Variants in TSR1 observed in about 807,000 individuals in gnomAD.
The protein encoded by TSR1 is pre-rRNA-processing protein TSR1 homolog.
TSR1 carries 81 observed loss-of-function variants against 90.9 expected under a neutral mutation model. That is an observed-to-expected ratio of 0.89 (90% CI 0.74 to 1.07). TSR1 has a LOEUF of 1.07. Ranked by LOEUF, TSR1 falls within the 50% of genes least tolerant of loss-of-function variation. The pLI is 0.00. For missense variants in TSR1, 989 were observed against 987.3 expected (o/e 1.00, Z -0.02); for synonymous variants, 362 against 348.8 (o/e 1.04, Z -0.42).
chr17:2,333,730 G>A lies in TSR1; in HGVS notation c.982-14C>T, dbSNP rs1555584534. ...CGTAGCACAAATCTGAAAACCAAAA[G>A]CAGGTGATAGTCAACCATGAACCAA... On this transcript the variant is annotated splice_polypyrimidine_tract_variant and intron_variant, in intron 5 of 14. Transcript: ENST00000301364. 1 of 1,613,694 alleles carries A rather than the reference G, an allele frequency of 6.2e-7. No individual in the cohort carries two copies. The highest frequency in any genetic ancestry group is 8.5e-7 in the Non-Finnish European group (1 of 1,179,840).
intron 4 of TSR1, 140 bp from the exon 5 acceptor site, chr17:2,335,036 T>C (rs2064042203): frequency 1.8e-6 from 2 of 1,102,744 alleles, no homozygotes; most frequent in African/African-American, 1.6e-5. Flanking sequence ...CCTGAAGGAA[T>C]TTCACAGTGA....
intron 5 of TSR1, among the ~76,000 whole-genome samples, chr17:2,334,042 A>G (rs148037729): frequency 2.0e-5 from 3 of 152,234 alleles, no homozygotes; most frequent in Admixed American, 6.5e-5. Context: ...CTTATCTTCT[A>G]GGATATTCTT....
chr17:2,325,567 C>T, intron 11 of TSR1, 147 bp from the exon 12 acceptor site: 1 of 594,688 alleles, frequency 1.7e-6, no homozygotes, highest in Non-Finnish European at 2.9e-6. Flanking sequence ...ATTTTCGCTG[C>T]CTCAATGCAC....
Position 2,332,963 on chromosome 17 carries a change from G to A in TSR1, c.1303C>T (p.Gln435Ter), listed in dbSNP as rs763174001. 1 of 1,613,084 alleles carries A rather than the reference G, an allele frequency of 6.2e-7. No homozygotes were observed. Among genetic ancestry groups the A allele is most frequent in the African/African-American group, 1.3e-5 (1 of 74,894 alleles). The change falls in exon 7 of 15, where the codon CAG becomes TAG. Residue 435 changes from glutamine (Q) to a stop codon, truncating the protein, a stop_gained and splice_region_variant. Transcript: ENST00000301364. LOFTEE classifies it high-confidence loss of function. ...GGCCTAAGGCCTCATTTCCTTACCT[G>A]AGATTCCTCCTCCATAAAATCCTCA... ...EHEDFMEEES[Q>*]DESSEEEEEY...
At position 2,323,729 on chromosome 17, in the gene TSR1, G is replaced by C; in HGVS notation, c.*467C>G. On this transcript the variant is annotated 3_prime_UTR_variant, in exon 15 of 15. Transcript: ENST00000301364. ...CAGCTGGTGTTGGAGTGGCTGCTGT[G>C]CTGTCTCAACATTTTCAAACTGTTT... is the stretch of plus-strand genomic sequence containing the variant. The C allele has an allele frequency of 6.2e-7, 1 of 1,614,164 alleles. No homozygotes were observed. Among genetic ancestry groups the C allele is most frequent in the Admixed American group, 1.7e-5 (1 of 60,020 alleles).
chr17:2,323,354 C>T lies in TSR1; in HGVS notation c.*842G>A. 6.2e-7 allele frequency: 1 copy of T among 1,613,688 alleles called. No homozygotes were observed. Among genetic ancestry groups the T allele is most frequent in the South Asian group, 1.1e-5 (1 of 91,018 alleles). Reference sequence around the variant, plus strand: ...CAGAGGATGAAATTAAGGTGAGGCTCCAGCAAGAAAAGAAATAGCAAAGCA... The same window carrying T: ...CAGAGGATGAAATTAAGGTGAGGCTTCAGCAAGAAAAGAAATAGCAAAGCA... On this transcript the variant is annotated 3_prime_UTR_variant, in exon 15 of 15. Transcript: ENST00000301364.
At position 2,325,419 on chromosome 17, in the gene TSR1, C is replaced by G. The variant is rs149134311; in HGVS notation, c.1905G>C (p.Ala635=). The change falls in exon 12 of 15, where the codon GCG becomes GCC. Residue 635 remains alanine, a splice_region_variant and synonymous_variant. Transcript: ENST00000301364. ...GGAATCTCTGCAATTTATGTTTGTC[C>G]GCTGCCATAAGGGTTAAAAAATGAA... ...ASPLFSQHTA[A]DKHKLQRFLT... is the part of the protein sequence containing the mutation. 4.3e-6 allele frequency: 7 copies of G among 1,609,820 alleles called. No individual in the cohort carries two copies.
rs1267020472 is a variant in TSR1, at chr17:2,334,678, C to T, written c.775G>A (p.Asp259Asn). 1 of 1,613,542 alleles carries T rather than the reference C, an allele frequency of 6.2e-7. No homozygotes were observed. The highest frequency in any genetic ancestry group is 1.7e-5 in the Admixed American group (1 of 60,026). ...RRAYLFAHAV[D>N]FVPSEENNLV... Reference sequence around the variant, plus strand: ...TTATTCTCTTCACTAGGAACAAAATCAACAGCATGGGCAAATAGGTAGGCC... The same window carrying T: ...TTATTCTCTTCACTAGGAACAAAATTAACAGCATGGGCAAATAGGTAGGCC... Residue 259 changes from aspartate to asparagine, a missense_variant, in exon 5 of 15, where the codon GAT (aspartate) becomes AAT (asparagine). Transcript: ENST00000301364.
Position 2,329,363 on chromosome 17 carries a change from A to T in TSR1, c.1883T>A (p.Leu628Ter), listed in dbSNP as rs772024183. ...CTAACCTGCAGTGTGCTGAGAGAATAAAGGTGAGGCTCGGAAGCGCCTGAA... is the reference window on the plus strand; with the variant it reads ...CTAACCTGCAGTGTGCTGAGAGAATTAAGGTGAGGCTCGGAAGCGCCTGAA... ...CGFRRFRASPLFSQHTAADKH... is the reference protein window; with the variant it reads ...CGFRRFRASP Residue 628 changes from leucine to a stop codon, truncating the protein, a stop_gained, in exon 11 of 15, where the codon TTA (leucine) becomes TAA (stop). Coordinates refer to ENST00000301364, the MANE Select transcript of TSR1 (RefSeq NM_018128.5). LOFTEE classifies it high-confidence loss of function. The T allele has an allele frequency of 1.9e-6, 3 of 1,614,222 alleles. No individual in the cohort carries two copies. Among genetic ancestry groups the T allele is most frequent in the Non-Finnish European group, 8.5e-7 (1 of 1,180,038 alleles).
At chr17:2,327,691 TAA>T (rs1027320860) in intron 11 of TSR1, among the ~76,000 whole-genome samples, 1 of 152,122 alleles carries the variant, frequency 6.6e-6, no homozygotes, top group African/African-American at 2.4e-5. Flanking sequence ...AATAAAGCAT[TAA>T]AAGTCTCATT....
chr17:2,327,161 A>C (rs1470539675), intron 11 of TSR1, among the ~76,000 whole-genome samples: 1 of 151,604 alleles, frequency 6.6e-6, no homozygotes, highest in Non-Finnish European at 1.5e-5. Context: ...CATCCCTATA[A>C]ATCCCAGCAC....
At position 2,324,566 on chromosome 17, in the gene TSR1, C is replaced by T. The variant is rs774513481; in HGVS notation, c.2174G>A (p.Trp725Ter). The change falls in exon 14 of 15, where the codon TGG becomes TAG. Residue 725 changes from tryptophan (W) to a stop codon, truncating the protein, a stop_gained. Transcript: ENST00000301364. LOFTEE classifies it high-confidence loss of function. ...CGTTCTCAGTTCCACTGGTTTAAAC[C>T]ACAGCACATCCTCTTAGAATCAAAC... ...YMFFNREDVL[W>*]FKPVELRTKW... The T allele has an allele frequency of 6.2e-7, 1 of 1,614,154 alleles. No individual in the cohort carries two copies. The highest frequency in any genetic ancestry group is 8.5e-7 in the Non-Finnish European group (1 of 1,180,030).
Position 2,323,066 on chromosome 17 carries a change from A to T in TSR1, c.*1130T>A. ...AGGTGTGAGCCACCACACCAGGCCCATATTTTCTTTTAGACATGCAGGCAA... is the reference window on the plus strand; with the variant it reads ...AGGTGTGAGCCACCACACCAGGCCCTTATTTTCTTTTAGACATGCAGGCAA... On this transcript the variant is annotated 3_prime_UTR_variant, in exon 15 of 15. Coordinates refer to ENST00000301364, the MANE Select transcript of TSR1 (RefSeq NM_018128.5). 1 of 1,506,280 alleles carries T rather than the reference A, an allele frequency of 6.6e-7. No individual in the cohort carries two copies. Among genetic ancestry groups the T allele is most frequent in the Non-Finnish European group, 9.2e-7 (1 of 1,085,310 alleles). The allele number at this position is 1,506,280 out of a possible 1,614,324, so 93.3% of individuals were successfully genotyped here. A position where few individuals can be genotyped will look rare whatever the true frequency, so the allele number is the denominator to read the frequency against.
chr17:2,335,039 C>T (rs185113162), intron 4 of TSR1, 143 bp from the exon 5 acceptor site: 13 of 1,099,866 alleles, frequency 1.2e-5, no homozygotes, highest in Admixed American at 2.8e-5. Flanking sequence ...GAAGGAATTT[C>T]ACAGTGAAAT....
Position 2,323,128 on chromosome 17 carries a change from C to T in TSR1, c.*1068G>A. On this transcript the variant is annotated 3_prime_UTR_variant, in exon 15 of 15. Transcript: ENST00000301364. ...GTTGTTAAGATGTCTTAATATTCCT[C>T]TTCCCAGGCTCTGAAACCTAGTGTG... 6.2e-7 allele frequency: 1 copy of T among 1,613,978 alleles called. No individual in the cohort carries two copies. The highest frequency in any genetic ancestry group is 1.3e-5 in the African/African-American group (1 of 75,034).
In TSR1 at chr17:2,336,448, A is replaced by C; in HGVS notation, c.-21T>G. On this transcript the variant is annotated 5_prime_UTR_variant, in exon 1 of 15. Transcript: ENST00000301364. ...GCCATGCCGCAGCGCGCGTGTACGG[A>C]GTCAGCACTGCTTCCGGGCCAGGAC... The C allele has an allele frequency of 7.5e-6, 12 of 1,605,810 alleles. No homozygotes were observed. The highest frequency in any genetic ancestry group is 1.3e-5 in the African/African-American group (1 of 74,932).
intron 11 of TSR1, among the ~76,000 whole-genome samples, chr17:2,327,447 G>A (rs913875195): frequency 1.1e-4 from 16 of 150,928 alleles, no homozygotes; most frequent in South Asian, 4.2e-4. Context: ...TGTAGAGACC[G>A]GAGTCTCACA....
At position 2,324,745 on chromosome 17, in the gene TSR1, T is replaced by G; in HGVS notation, c.2105A>C (p.His702Pro). The G allele has an allele frequency of 1.2e-6, 2 of 1,614,238 alleles. No individual in the cohort carries two copies. Among genetic ancestry groups the G allele is most frequent in the Non-Finnish European group, 1.7e-6 (2 of 1,180,034 alleles). ...MVIKRVVLSG[H>P]PFKIFTKMAV... The stretch of plus-strand genomic sequence containing the variant: ...CATCTTAGTAAAAATTTTGAAAGGA[T>G]GACCACTCAGAACAACTCTCTTGAT... Residue 702 changes from histidine to proline, a missense_variant, in exon 13 of 15, where the codon CAT (histidine) becomes CCT (proline). His to Pro is a moderately conservative substitution (Grantham distance 77, BLOSUM62 -2). Coordinates refer to ENST00000301364, the MANE Select transcript of TSR1 (RefSeq NM_018128.5).
At position 2,322,667 on chromosome 17, in the gene TSR1, G is replaced by GT. The variant is rs1168184218; in HGVS notation, c.*1528dup. The GT allele has an allele frequency of 1.9e-4, 17 of 90,906 alleles. No homozygotes were observed. The highest frequency in any genetic ancestry group is 3.2e-4 in the African/African-American group (8 of 25,038). 5.6% of individuals were successfully genotyped at this position (90,906 alleles called of 1,614,324 possible). A position where few individuals can be genotyped will look rare whatever the true frequency, so the allele number is the denominator to read the frequency against. On this transcript the variant is annotated 3_prime_UTR_variant, in exon 15 of 15. Transcript: ENST00000301364. ...AGGTGCCTGCCACCATGCCTGGCTA[G>GT]TTTTTTTTTGTTTTTTTTTTTTGTA...
Sources: gnomAD v4.1 joint callset for allele counts (sites outside exome capture counted in the v4.1 genomes callset) on GRCh38, gnomAD v4.1.1 for gene constraint, MANE v1.5 for transcripts, NCBI Gene and HGNC (gene_info 2026-07-23, HGNC 2026-07-21) for gene names.